Variants in ZDHHC17 observed in about 807,000 individuals in gnomAD.
The protein encoded by ZDHHC17 is zDHHC palmitoyltransferase 17.
ZDHHC17 carries 40 observed loss-of-function variants against 90.3 expected under a neutral mutation model. The ratio of observed to expected loss-of-function variants is 0.44; its 90% confidence interval spans 0.34 to 0.58. The LOEUF is 0.58. Among genes scored for constraint, ZDHHC17 ranks in the 20% least tolerant of loss-of-function variants. The pLI, the probability that ZDHHC17 is intolerant of heterozygous loss-of-function variation, is 0.01. For synonymous variants in ZDHHC17, 235 were observed against 252.4 expected (o/e 0.93, Z 0.65); for missense variants, 614 against 780.8 (o/e 0.79, Z 2.55).
At chr12:76,800,672 C>T (rs946576159) in intron 2 of ZDHHC17, among the ~76,000 whole-genome samples, 1 of 152,004 alleles carries the variant, frequency 6.6e-6, no homozygotes, top group Admixed American at 6.6e-5. Flanking sequence ...TCTTGCTCTC[C>T]TCTGGTTACT....
At chr12:76,770,695 T>C (rs975379339) in intron 1 of ZDHHC17, among the ~76,000 whole-genome samples, 1 of 152,122 alleles carries the variant, frequency 6.6e-6, no homozygotes, top group African/African-American at 2.4e-5. Context: ...TGCGGCACTT[T>C]GGGAGGCTGA....
At chr12:76,839,855 CTG>C (rs1220626929) in intron 10 of ZDHHC17, among the ~76,000 whole-genome samples, 2 of 152,108 alleles carry the variant, frequency 1.3e-5, no homozygotes, top group Non-Finnish European at 2.9e-5. Flanking sequence ...ATAAAAGTGT[CTG>C]TGTATATTTA....
chr12:76,848,157 G>A, intron 14 of ZDHHC17, 76 bp from the exon 15 acceptor site: 2 of 1,484,260 alleles, frequency 1.3e-6, no homozygotes, highest in Non-Finnish European at 1.8e-6. Flanking sequence ...TTTTCTAAAT[G>A]GTGCCAGCAC....
intron 2 of ZDHHC17, among the ~76,000 whole-genome samples, chr12:76,801,569 G>A (rs1286849476): frequency 6.6e-6 from 1 of 151,980 alleles, no homozygotes; most frequent in African/African-American, 2.4e-5. Flanking sequence ...CAGGAGAATG[G>A]CGTGAACCTG....
chr12:76,793,290 G>A (rs886396857), intron 1 of ZDHHC17, among the ~76,000 whole-genome samples: 2 of 152,216 alleles, frequency 1.3e-5, no homozygotes, highest in Non-Finnish European at 1.5e-5. Context: ...GGAGGCCGAA[G>A]TGGTAGATCA....
At chr12:76,807,005 TACCTCTTGGCAA>T (rs1335083507) in intron 3 of ZDHHC17, among the ~76,000 whole-genome samples, 1 of 152,238 alleles carries the variant, frequency 6.6e-6, no homozygotes, top group African/African-American at 2.4e-5. Context: ...GCACTAAACG[TACCTCTTGGCAA>T]ATGCAGAATG....
At chr12:76,843,917 G>A (rs1035604514) in intron 12 of ZDHHC17, 2 of 151,994 alleles carry the variant, frequency 1.3e-5, no homozygotes, top group African/African-American at 4.8e-5. Flanking sequence ...TTATGATTTT[G>A]AATATTCAAA....
intron 7 of ZDHHC17, among the ~76,000 whole-genome samples, chr12:76,818,817 G>T (rs1193174419): frequency 1.3e-5 from 2 of 152,120 alleles, no homozygotes; most frequent in African/African-American, 4.8e-5. Flanking sequence ...TCTCAGTCAT[G>T]GGAAACATTT....
chr12:76,839,050 G>T (rs1267559817), intron 10 of ZDHHC17, among the ~76,000 whole-genome samples: 1 of 152,200 alleles, frequency 6.6e-6, no homozygotes, highest in Non-Finnish European at 1.5e-5. Flanking sequence ...ATGGTGAGGA[G>T]AAAGAGGAAG....
At chr12:76,819,601 T>C (rs1953135270) in intron 7 of ZDHHC17, among the ~76,000 whole-genome samples, 3 of 152,220 alleles carry the variant, frequency 2.0e-5, no homozygotes, top group African/African-American at 7.2e-5. Context: ...TTTCTTTATA[T>C]TAACTAGAGA....
At chr12:76,766,457 G>C (rs1185699307) in intron 1 of ZDHHC17, among the ~76,000 whole-genome samples, 2 of 152,154 alleles carry the variant, frequency 1.3e-5, no homozygotes, top group African/African-American at 4.8e-5. Flanking sequence ...ATTTATAATG[G>C]ATAAAAATAA....
chr12:76,831,600 T>C (rs1391869369), intron 10 of ZDHHC17, among the ~76,000 whole-genome samples: 1 of 152,194 alleles, frequency 6.6e-6, no homozygotes, highest in Non-Finnish European at 1.5e-5. Context: ...TCCGCCCGCC[T>C]CGGTCTTCCA....
At chr12:76,764,650 C>T in intron 1 of ZDHHC17, 1 of 499,904 alleles carries the variant, frequency 2.0e-6, no homozygotes. Context: ...GGTTTTTGAA[C>T]CGCAGCTTAG....
chr12:76,802,204 C>T (rs2137752578), intron 2 of ZDHHC17, among the ~76,000 whole-genome samples: 1 of 152,284 alleles, frequency 6.6e-6, no homozygotes, highest in South Asian at 2.1e-4. Flanking sequence ...TTTTGAAGGA[C>T]AATTTTGCTG....
chr12:76,822,933 G>A (rs1317982295), intron 8 of ZDHHC17, among the ~76,000 whole-genome samples: 1 of 151,988 alleles, frequency 6.6e-6, no homozygotes, highest in Non-Finnish European at 1.5e-5. Context: ...AGTATTTACA[G>A]CCTTTAATTT....
intron 1 of ZDHHC17, among the ~76,000 whole-genome samples, chr12:76,773,495 T>C (rs753833750): frequency 2.6e-5 from 4 of 152,360 alleles, no homozygotes; most frequent in East Asian, 1.9e-4. Flanking sequence ...GGACGTCTTA[T>C]TGCTTCCAAG....
At position 76,797,523 on chromosome 12, in the gene ZDHHC17, A is replaced by G. The variant is rs990358237; in HGVS notation, c.183A>G (p.Ile61Met). The G allele has an allele frequency of 2.5e-6, 4 of 1,605,120 alleles. No individual in the cohort carries two copies. Among genetic ancestry groups the G allele is most frequent in the African/African-American group, 1.3e-5 (1 of 74,736 alleles). The stretch of plus-strand genomic sequence containing the variant: ...TTGATGATTACAGCACATGGGACAT[A>G]GTCAAGGCTACACAGTAAGGTTTTT... ...THIDDYSTWD[I>M]VKATQYGIYE... is the part of the protein sequence containing the mutation. The change falls in exon 2 of 17, where the codon ATA becomes ATG. Residue 61 changes from isoleucine (I) to methionine (M), a missense_variant. By Grantham distance (10) the Ile-to-Met change is conservative. Transcript: ENST00000426126.
At chr12:76,830,952 TAA>T (rs1409634379) in intron 10 of ZDHHC17, among the ~76,000 whole-genome samples, 8 of 152,044 alleles carry the variant, frequency 5.3e-5, no homozygotes, top group Non-Finnish European at 1.0e-4. Context: ...GAATTGAAAA[TAA>T]GAGAGGCAAA....
intron 8 of ZDHHC17, 66 bp from the exon 9 acceptor site, chr12:76,826,842 A>C: frequency 6.9e-7 from 1 of 1,442,500 alleles, no homozygotes; most frequent in Non-Finnish European, 9.1e-7. Flanking sequence ...CACAAAGGTA[A>C]CAATGATTCA....
Sources: allele counts gnomAD v4.1 joint callset (sites outside exome capture counted in the v4.1 genomes callset), GRCh38; gene constraint gnomAD v4.1.1; transcripts MANE v1.5; gene names NCBI Gene and HGNC (gene_info 2026-07-23, HGNC 2026-07-21).